The following CCDC9 variants were observed in gnomAD, a reference collection of about 807,000 sequenced individuals.
CCDC9 encodes coiled-coil domain-containing protein 9.
A neutral mutation model predicts 65.6 loss-of-function variants in CCDC9; 52 were observed. The observed-to-expected ratio is 0.79, with a 90% CI of 0.63 to 1.00. CCDC9 has a LOEUF of 1.00. Ranked by LOEUF, CCDC9 falls within the 50% of genes least tolerant of loss-of-function variation. CCDC9 has a pLI of 0.00. For synonymous variants in CCDC9, 332 were observed against 280.3 expected (o/e 1.18, Z -1.84); for missense variants, 834 against 757.2 (o/e 1.10, Z -1.19).
rs140405016 is a variant in CCDC9, at chr19:47,258,774, A to G, written c.108+111A>G. 265 of 733,254 alleles carry G rather than the reference A, an allele frequency of 3.6e-4. 2 individuals carry two copies. In the East Asian group the frequency reaches 6.2e-3, roughly 17 times the overall value. The allele number at this position is 733,254 out of a possible 1,614,324, so 45.4% of individuals were successfully genotyped here. A position where few individuals can be genotyped will look rare whatever the true frequency, so the allele number is the denominator to read the frequency against. On this transcript the variant is annotated intron_variant, in intron 3 of 11. Transcript: ENST00000221922. ...CATGGCTCCCCATCACTGTCAGGAT[A>G]AAGGCCAAAGGCCTTAGCCTGACAT...
Position 47,264,817 on chromosome 19 carries a change from C to T in CCDC9, c.591C>T (p.Asp197=). 1 of 1,565,182 alleles carries T rather than the reference C, an allele frequency of 6.4e-7. No individual in the cohort carries two copies. Among genetic ancestry groups the T allele is most frequent in the South Asian group, 1.2e-5 (1 of 83,978 alleles). The change falls in exon 7 of 12, where the codon GAC becomes GAT. Residue 197 remains aspartate, a synonymous_variant. Transcript: ENST00000221922. ...ACCCAGTGCGGAACTTCCTGGACGA[C>T]CCCCGGCGACGCAGCGGGCCCCTGG... is the stretch of plus-strand genomic sequence containing the variant. ...EPNPVRNFLD[D]PRRRSGPLEE... is the part of the protein sequence containing the mutation.
At chr19:47,275,144 G>C (rs1480227126), downstream of CCDC9, 1 of 1,490,890 alleles carries the variant, frequency 6.7e-7, no homozygotes, top group Non-Finnish European at 8.9e-7. Flanking sequence ...CGTCCCCTCC[G>C]TGTGCTGCCC....
In CCDC9 at chr19:47,271,726, TGTGTGTGCGC is replaced by T. The variant is rs1173794057; in HGVS notation, c.*50_*59del. 1.8e-4 allele frequency: 201 copies of T among 1,139,440 alleles called. No homozygotes were observed. The African/African-American group carries it at 4.6e-3, about 26-fold the overall frequency. The allele number at this position is 1,139,440 out of a possible 1,614,324, so 70.6% of individuals were successfully genotyped here. A position where few individuals can be genotyped will look rare whatever the true frequency, so the allele number is the denominator to read the frequency against. Reference sequence around the variant, plus strand: ...GTGTGTGTGTGTGTGTGTGTGTGTGTGTGTGTGCGCGCGCGCGCGCGCGCGCGCGCGCGCT... The same window carrying T: ...GTGTGTGTGTGTGTGTGTGTGTGTGTGCGCGCGCGCGCGCGCGCGCGCGCT... On this transcript the variant is annotated 3_prime_UTR_variant, in exon 12 of 12. Coordinates refer to ENST00000221922, the MANE Select transcript of CCDC9 (RefSeq NM_015603.3).
intron 5 of CCDC9, 68 bp from the exon 6 acceptor site, chr19:47,264,535 C>G: frequency 1.4e-6 from 2 of 1,445,716 alleles, no homozygotes; most frequent in Admixed American, 3.9e-5. Flanking sequence ...TGCTGGGCAG[C>G]CCGTCTCCTG....
chr19:47,267,033 C>T (rs151293756), intron 8 of CCDC9, among the ~76,000 whole-genome samples: 2,245 of 151,246 alleles, frequency 0.015, 76 homozygotes, highest in African/African-American at 0.052. Flanking sequence ...GGCGTGATCT[C>T]GGCTCACCGC....
chr19:47,266,852 A>T (rs2059085749), intron 8 of CCDC9, 60 bp downstream of exon 8: 1 of 1,541,120 alleles, frequency 6.5e-7, no homozygotes, highest in African/African-American at 1.4e-5. Context: ...CTGACTTCTA[A>T]GTCCTATGCC....
At chr19:47,266,574 G>A (rs760057485) in intron 7 of CCDC9, 37 bp from the exon 8 acceptor site, 33 of 1,481,808 alleles carry the variant, frequency 2.2e-5, no homozygotes, top group Middle Eastern at 2.2e-4. Flanking sequence ...GGTAGGGTGC[G>A]GGACATCACC....
downstream of CCDC9, chr19:47,275,376 C>T (rs1302943278): frequency 1.3e-6 from 2 of 1,529,482 alleles, no homozygotes; most frequent in East Asian, 2.7e-5. Flanking sequence ...ACCCGGATCG[C>T]CAGCCCTCGA....
At chr19:47,258,484 C>T in intron 2 of CCDC9, 75 bp from the exon 3 acceptor site, 1 of 1,601,592 alleles carries the variant, frequency 6.2e-7, no homozygotes, top group East Asian at 2.2e-5. Flanking sequence ...GGGGCAGACT[C>T]TCAGACCCTG....
rs1309923968 is a variant in CCDC9 at position 47,260,696 on chromosome 19, C to T, written c.319C>T (p.Arg107Ter). ...PQQGGRAGMG[R>*]ASRSWEGSPG... ...GCAGGGAGGCCGGGCCGGCATGGGCCGAGCATCGCGCAGCTGGGAGGGCAG... is the reference window on the plus strand; with the variant it reads ...GCAGGGAGGCCGGGCCGGCATGGGCTGAGCATCGCGCAGCTGGGAGGGCAG... The change falls in exon 5 of 12, where the codon CGA (arginine) becomes TGA (stop). Residue 107 changes from arginine to a stop codon, truncating the protein, a stop_gained. Coordinates refer to ENST00000221922, the MANE Select transcript of CCDC9 (RefSeq NM_015603.3). LOFTEE classifies it high-confidence loss of function. 7 of 1,564,750 alleles carry T rather than the reference C, an allele frequency of 4.5e-6. No individual in the cohort carries two copies. Among genetic ancestry groups the T allele is most frequent in the South Asian group, 1.2e-5 (1 of 83,152 alleles).
intron 5 of CCDC9, among the ~76,000 whole-genome samples, chr19:47,262,438 A>C (rs2059052141): frequency 6.6e-6 from 1 of 151,932 alleles, no homozygotes; most frequent in Admixed American, 6.6e-5. Flanking sequence ...GCTGGCCTTG[A>C]ACTCCTGACC....
At chr19:47,275,450 C>T (rs756872703), downstream of CCDC9, 2 of 1,397,576 alleles carry the variant, frequency 1.4e-6, no homozygotes, top group Non-Finnish European at 1.9e-6. Flanking sequence ...TTCCTAATGA[C>T]ATCGCTCAGC....
chr19:47,266,392 T>G, intron 7 of CCDC9: 1 of 534,478 alleles, frequency 1.9e-6, no homozygotes, highest in South Asian at 3.3e-5. Flanking sequence ...TCCTACCAAG[T>G]GTTGTGGAGA....
chr19:47,268,335 C>T (rs2059095640), intron 8 of CCDC9, among the ~76,000 whole-genome samples: 1 of 152,158 alleles, frequency 6.6e-6, no homozygotes, highest in African/African-American at 2.4e-5. Flanking sequence ...TAGGTTTTAC[C>T]TCATCCCCCA....
chr19:47,258,315 TC>T lies in CCDC9; in HGVS notation c.-71-12del. ...GGGCCATTGGCCTTTGTCCTTTTTT[TC>T]CCTCTGTCCCCAGGAACCCTCAGTG... On this transcript the variant is annotated splice_polypyrimidine_tract_variant and intron_variant, in intron 1 of 11. Coordinates refer to ENST00000221922, the MANE Select transcript of CCDC9 (RefSeq NM_015603.3). The T allele has an allele frequency of 6.8e-7, 1 of 1,480,124 alleles. No homozygotes were observed. 91.7% of individuals were successfully genotyped at this position (1,480,124 alleles called of 1,614,324 possible).
Position 47,271,948 on chromosome 19 carries a change from C to T in CCDC9, c.*270C>T, listed in dbSNP as rs1484247544. 3.1e-6 allele frequency: 4 copies of T among 1,290,294 alleles called. No individual in the cohort carries two copies. The highest frequency in any genetic ancestry group is 1.5e-5 in the African/African-American group (1 of 66,544). 79.9% of individuals were successfully genotyped at this position (1,290,294 alleles called of 1,614,324 possible). On this transcript the variant is annotated 3_prime_UTR_variant, in exon 12 of 12. Transcript: ENST00000221922. ...CCCTCCCCAATAAAGAATTCACATC[C>T]TCCAATGACATTCCCCCAGGTGTGT...
Position 47,265,012 on chromosome 19 carries a change from C to G in CCDC9, c.720+66C>G, listed in dbSNP as rs954958419. 4.5e-6 allele frequency: 6 copies of G among 1,333,626 alleles called. No homozygotes were observed. In the South Asian group the frequency reaches 7.7e-5, roughly 17 times the overall value. The allele number at this position is 1,333,626 out of a possible 1,614,324, so 82.6% of individuals were successfully genotyped here. A position where few individuals can be genotyped will look rare whatever the true frequency, so the allele number is the denominator to read the frequency against. On this transcript the variant is annotated intron_variant, in intron 7 of 11. Transcript: ENST00000221922. ...TTTGATGGGGACTGCATAGCAGGAA[C>G]CAGACAGATCAGGGCCATGGGGCCT...
At chr19:47,271,240 T>C (rs2059114530) in intron 11 of CCDC9, 34 bp from the exon 12 acceptor site, 1 of 1,609,056 alleles carries the variant, frequency 6.2e-7, no homozygotes, top group Non-Finnish European at 8.5e-7. Flanking sequence ...GCTCAGGACC[T>C]GTGCCTTGCC....
chr19:47,262,353 A>G (rs1161892058), intron 5 of CCDC9, among the ~76,000 whole-genome samples: 3 of 151,470 alleles, frequency 2.0e-5, no homozygotes, highest in African/African-American at 7.3e-5. Flanking sequence ...AGTAGCTGGG[A>G]TTACAGGTGT....
Sources: gnomAD v4.1 joint callset for allele counts (sites outside exome capture counted in the v4.1 genomes callset) on GRCh38, gnomAD v4.1.1 for gene constraint, MANE v1.5 for transcripts, NCBI Gene and HGNC (gene_info 2026-07-23, HGNC 2026-07-21) for gene names.